The following FAT4 variants were observed in gnomAD, a reference collection of about 807,000 sequenced individuals.
The protein encoded by FAT4 is FAT atypical cadherin 4, also known as protocadherin Fat 4.
Under a neutral mutation model 303.9 loss-of-function variants are expected in FAT4, and 84 were observed. The observed-to-expected ratio is 0.28, with a 90% CI of 0.23 to 0.33. The LOEUF (loss-of-function observed/expected upper bound fraction) is 0.33. FAT4 is among the 10% of genes least tolerant of loss of function. The pLI is 1.00. For missense variants in FAT4, 6,005 were observed against 6,146.8 expected (o/e 0.98, Z 0.77); for synonymous variants, 2,307 against 2,298.8 (o/e 1.00, Z -0.10).
intron 16 of FAT4, among the ~76,000 whole-genome samples, chr4:125,486,143 CTTTT>C (rs532857051): frequency 7.2e-6 from 1 of 139,074 alleles, no homozygotes. Context: ...AAGGCTTTTC[CTTTT>C]TTTTTTTTTC....
In FAT4 at chr4:125,490,762, C is replaced by T. The variant is rs374960940; in HGVS notation, c.13946C>T (p.Pro4649Leu). ...TACAAGCAGTTCCGCAGCCACACAC[C>T]AAAATTTTCAATCCAGAGGCACAGT... ...QHYKQFRSHT[P>L]KFSIQRHSPL... is the part of the protein sequence containing the mutation. The change falls in exon 18 of 18, where the codon CCA becomes CTA. Residue 4649 changes from proline (P) to leucine (L), a missense_variant. By Grantham distance (98) the Pro-to-Leu change is moderately conservative. Transcript: ENST00000394329. 2.5e-6 allele frequency: 4 copies of T among 1,613,936 alleles called. No individual in the cohort carries two copies. In the African/African-American group the frequency reaches 5.3e-5, roughly 22 times the overall value.
intron 2 of FAT4, among the ~76,000 whole-genome samples, chr4:125,392,066 C>T (rs1305339325): frequency 2.6e-5 from 4 of 151,934 alleles, no homozygotes. Flanking sequence ...TCTTCAGTAT[C>T]CTGAAGATAT....
intron 2 of FAT4, among the ~76,000 whole-genome samples, chr4:125,357,153 T>C (rs1014791065): frequency 6.6e-6 from 1 of 152,094 alleles, no homozygotes; most frequent in Non-Finnish European, 1.5e-5. Flanking sequence ...CATCAGTGTG[T>C]TCAACTATGA....
At chr4:125,472,298 T>C (rs1451094740) in intron 12 of FAT4, among the ~76,000 whole-genome samples, 1 of 152,142 alleles carries the variant, frequency 6.6e-6, no homozygotes, top group Non-Finnish European at 1.5e-5. Context: ...ATATAGTCCT[T>C]AGACTGATCA....
intron 2 of FAT4, among the ~76,000 whole-genome samples, chr4:125,335,359 T>C (rs1270731796): frequency 6.6e-6 from 1 of 152,010 alleles, no homozygotes; most frequent in Non-Finnish European, 1.5e-5. Context: ...GTTGAGGTAG[T>C]GTTGTGATTG....
In FAT4 at chr4:125,487,540, C is replaced by T. The variant is rs1727452007; in HGVS notation, c.13018C>T (p.Leu4340Phe). The change falls in exon 17 of 18, where the codon CTT becomes TTT. Residue 4340 changes from leucine to phenylalanine, a missense_variant. Physicochemically the swap from Leu to Phe is conservative, Grantham distance 22. Coordinates refer to ENST00000394329, the MANE Select transcript of FAT4 (RefSeq NM_001291303.3). ...CCACCCTACTCAGGACTTCGGTGGC[C>T]TTGATGTGCTTACTATATCACTTGG... ...IIHPTQDFGGLDVLTISLGGI... is the reference protein window; with the variant it reads ...IIHPTQDFGGFDVLTISLGGI... The T allele has an allele frequency of 6.2e-7, 1 of 1,613,678 alleles. No homozygotes were observed. The highest frequency in any genetic ancestry group is 1.7e-5 in the Admixed American group (1 of 59,986).
At chr4:125,426,119 C>T (rs1560815219) in intron 7 of FAT4, among the ~76,000 whole-genome samples, 1 of 151,948 alleles carries the variant, frequency 6.6e-6, no homozygotes, top group Non-Finnish European at 1.5e-5. Flanking sequence ...TGAAGCTGGT[C>T]ATTGCATTAT....
intron 8 of FAT4, among the ~76,000 whole-genome samples, chr4:125,437,697 A>G (rs1029774977): frequency 6.6e-6 from 1 of 152,214 alleles, no homozygotes; most frequent in Non-Finnish European, 1.5e-5. Flanking sequence ...ACCAAAGCAT[A>G]GAAATAATAA....
chr4:125,376,628 G>T (rs184656256), intron 2 of FAT4, among the ~76,000 whole-genome samples: 193 of 152,268 alleles, frequency 1.3e-3, no homozygotes, highest in Admixed American at 2.6e-3. Context: ...GGCCTGGCGC[G>T]GTGGCTCATG....
rs1727651908 is a variant in FAT4 at position 125,491,653 on chromosome 4, T to C, written c.14837T>C (p.Val4946Ala). ...LNWGPGFGHY[V>A]DVFKDLASLP... Reference sequence around the variant, plus strand: ...TGGGGCCCTGGCTTTGGCCATTATGTAGATGTTTTTAAAGATTTGGCATCT... The same window carrying C: ...TGGGGCCCTGGCTTTGGCCATTATGCAGATGTTTTTAAAGATTTGGCATCT... The change falls in exon 18 of 18, where the codon GTA becomes GCA. Residue 4946 changes from valine to alanine, a missense_variant. Physicochemically the swap from Val to Ala is moderately conservative, Grantham distance 64 (BLOSUM62 0). Coordinates refer to ENST00000394329, the MANE Select transcript of FAT4 (RefSeq NM_001291303.3). The C allele has an allele frequency of 1.2e-6, 2 of 1,614,132 alleles. No individual in the cohort carries two copies. Among genetic ancestry groups the C allele is most frequent in the East Asian group, 2.2e-5 (1 of 44,862 alleles).
At position 125,317,700 on chromosome 4, in the gene FAT4, G is replaced by T. The variant is rs774644392; in HGVS notation, c.1289G>T (p.Arg430Leu). 4.3e-6 allele frequency: 7 copies of T among 1,614,062 alleles called. No homozygotes were observed. The highest frequency in any genetic ancestry group is 5.1e-6 in the Non-Finnish European group (6 of 1,179,992). The part of the protein sequence containing the change: ...IKVASALDRE[R>L]IPSYNLTVSV... ...GTGGCCAGCGCCTTGGACCGCGAGC[G>T]CATCCCTTCCTACAACCTCACAGTT... Residue 430 changes from arginine (R) to leucine (L), a missense_variant, in exon 2 of 18, where the codon CGC becomes CTC. Transcript: ENST00000394329. This position sits in a 1 kb window ranked among gnomAD's most constrained non-coding sequence, Gnocchi z 7.0.
At chr4:125,398,753 C>G (rs10033970) in intron 2 of FAT4, 31 bp from the exon 3 acceptor site, 1 of 1,610,126 alleles carries the variant, frequency 6.2e-7, no homozygotes, top group African/African-American at 1.3e-5. Context: ...ACGTGGGAGT[C>G]ATTCACACAT....
intron 7 of FAT4, among the ~76,000 whole-genome samples, chr4:125,419,882 T>C (rs1735219053): frequency 6.6e-6 from 1 of 152,226 alleles, no homozygotes. Context: ...AAGCAGTTGC[T>C]AAACATTTAC....
intron 2 of FAT4, among the ~76,000 whole-genome samples, chr4:125,375,261 G>A (rs1044315477): frequency 2.6e-5 from 4 of 152,114 alleles, no homozygotes; most frequent in Non-Finnish European, 5.9e-5. Flanking sequence ...TAGCAAGAAC[G>A]TTTTCACTGG....
In FAT4 at chr4:125,321,387, C is replaced by A; in HGVS notation, c.4976C>A (p.Ser1659Tyr). Residue 1659 changes from serine (S) to tyrosine (Y), a missense_variant, in exon 2 of 18, where the codon TCT (serine) becomes TAT (tyrosine). Coordinates refer to ENST00000394329, the MANE Select transcript of FAT4 (RefSeq NM_001291303.3). ...ATAGAAGCAGCTAGCCCCAGAGGAT[C>A]TGAGGCCCCAGTGGAGTATTATATT... is the stretch of plus-strand genomic sequence containing the variant. ...ISIEAASPRG[S>Y]EAPVEYYIVS... 2 of 1,614,122 alleles carry A rather than the reference C, an allele frequency of 1.2e-6. No individual in the cohort carries two copies. Among genetic ancestry groups the A allele is most frequent in the Non-Finnish European group, 1.7e-6 (2 of 1,179,992 alleles).
intron 2 of FAT4, among the ~76,000 whole-genome samples, chr4:125,323,070 A>G (rs1731018253): frequency 6.6e-6 from 1 of 152,164 alleles, no homozygotes; most frequent in African/African-American, 2.4e-5. Context: ...CTCTGGAATG[A>G]ATACTTACAT....
At chr4:125,344,054 A>T (rs967559611) in intron 2 of FAT4, among the ~76,000 whole-genome samples, 1 of 152,128 alleles carries the variant, frequency 6.6e-6, no homozygotes, top group Admixed American at 6.6e-5. Context: ...AGTAATTTAC[A>T]TTTTTGAAGT....
intron 2 of FAT4, among the ~76,000 whole-genome samples, chr4:125,324,592 C>T (rs1287645702): frequency 4.6e-5 from 7 of 152,150 alleles, no homozygotes; most frequent in Non-Finnish European, 7.4e-5. Flanking sequence ...GAATTGATAA[C>T]TGTCAGGAAA....
At chr4:125,336,166 C>A (rs1018288848) in intron 2 of FAT4, among the ~76,000 whole-genome samples, 11 of 151,934 alleles carry the variant, frequency 7.2e-5, no homozygotes, top group Non-Finnish European at 1.3e-4. Flanking sequence ...TTAAAAATAA[C>A]TCTGTGGTAA....
Sources: gnomAD v4.1 joint callset for allele counts (sites outside exome capture counted in the v4.1 genomes callset) on GRCh38, gnomAD v4.1.1 for gene constraint, Gnocchi (gnomAD v3.1) non-coding constraint, MANE v1.5 for transcripts, NCBI Gene and HGNC (gene_info 2026-07-23, HGNC 2026-07-21) for gene names.